Variants in NEO1 observed in about 807,000 individuals in gnomAD.
The protein encoded by NEO1 is neogenin.
In NEO1, 63 loss-of-function variants were observed where a neutral mutation model predicts 159.7. The ratio of observed to expected loss-of-function variants is 0.39; its 90% CI spans 0.32 to 0.49. NEO1 has a LOEUF of 0.49. Ranked by LOEUF, NEO1 falls within the 20% of genes least tolerant of loss-of-function variation. The probability of loss-of-function intolerance (pLI) is 0.85; values close to 1 mark genes in which losing one functional copy is unlikely to be tolerated. For synonymous variants in NEO1, 633 were observed against 662.0 expected, an observed-to-expected ratio of 0.96 and a Z score of 0.67; for missense variants, 1,615 against 1,831.0, an observed-to-expected ratio of 0.88 and a Z score of 2.15.
At position 73,304,539 on chromosome 15, in the gene NEO1, G is replaced by C. The variant is rs1409016287; in HGVS notation, c.*1843G>C. 2 of 152,158 alleles carry C rather than the reference G, an allele frequency of 1.3e-5. No individual in the cohort carries two copies. The highest frequency in any genetic ancestry group is 2.9e-5 in the Non-Finnish European group (2 of 68,048). The allele number at this position is 152,158 out of a possible 1,614,324, so 9.4% of individuals were successfully genotyped here. A position where few individuals can be genotyped will look rare whatever the true frequency, so the allele number is the denominator to read the frequency against. On this transcript the variant is annotated 3_prime_UTR_variant, in exon 29 of 29. Coordinates refer to ENST00000261908, the MANE Select transcript of NEO1 (RefSeq NM_002499.4). ...ATGAACTCTTTGTATTTATGATTTG[G>C]GGGGCAATGAAAGGTGCAATGCAGG... is the stretch of plus-strand genomic sequence containing the variant.
chr15:73,164,024 T>A lies in NEO1; in HGVS notation c.1016-12379T>A, dbSNP rs1483050348. ...GTATTTTGTTTCTTTTTCTTATTTT[T>A]TTTTTTTTTCTTATTTTTTTTGAGA... On this transcript the variant is annotated intron_variant, in intron 5 of 28. Transcript: ENST00000261908. Among the ~76,000 whole-genome samples, 36 of 151,380 alleles carry A rather than the reference T, an allele frequency of 2.4e-4. No individual in the cohort carries two copies. In the East Asian group the frequency reaches 4.9e-3, roughly 20 times the overall value.
At chr15:73,101,412 C>T (rs1256481600) in intron 1 of NEO1, among the ~76,000 whole-genome samples, 1 of 152,204 alleles carries the variant, frequency 6.6e-6, no homozygotes, top group Non-Finnish European at 1.5e-5. Flanking sequence ...CACGCGCACG[C>T]GTGCGCACAC....
At chr15:73,194,795 A>T (rs1315198666) in intron 7 of NEO1, among the ~76,000 whole-genome samples, 1 of 152,224 alleles carries the variant, frequency 6.6e-6, no homozygotes, top group Admixed American at 6.5e-5. Context: ...TTTATGATTT[A>T]TTGGATACTT....
chr15:73,214,490 G>T (rs972037879), intron 7 of NEO1, among the ~76,000 whole-genome samples: 10 of 152,104 alleles, frequency 6.6e-5, no homozygotes, highest in Admixed American at 5.2e-4. Context: ...TCCTACATGT[G>T]GCTAGCCAAT....
chr15:73,293,399 G>A lies in NEO1; in HGVS notation c.3752G>A (p.Ser1251Asn). 1.2e-6 allele frequency: 2 copies of A among 1,614,108 alleles called. No homozygotes were observed. The highest frequency in any genetic ancestry group is 1.6e-4 in the Middle Eastern group (1 of 6,062). The change falls in exon 26 of 29, where the codon AGT becomes AAT. Residue 1251 changes from serine (S) to asparagine (N), a missense_variant. Physicochemically the swap from Ser to Asn is conservative, Grantham distance 46 (BLOSUM62 1). Coordinates refer to ENST00000261908, the MANE Select transcript of NEO1 (RefSeq NM_002499.4). The part of the protein sequence containing the change: ...FDSQPPQPVI[S>N]AHPIHSLDNP... ...TTGTGTTCATTCACAGCTGTGATTAGTGCCCATCCCATCCATTCCCTCGAT... is the reference window on the plus strand; with the variant it reads ...TTGTGTTCATTCACAGCTGTGATTAATGCCCATCCCATCCATTCCCTCGAT...
intron 2 of NEO1, among the ~76,000 whole-genome samples, chr15:73,118,691 A>C (rs1459656545): frequency 6.6e-6 from 1 of 152,142 alleles, no homozygotes; most frequent in African/African-American, 2.4e-5. Flanking sequence ...AAGGTGATAC[A>C]TTCTGTGATG....
intron 25 of NEO1, 54 bp from the exon 26 acceptor site, chr15:73,293,336 G>T (rs1311530237): frequency 8.7e-6 from 14 of 1,602,106 alleles, no homozygotes; most frequent in East Asian, 2.2e-5. Flanking sequence ...ACTGTGATTT[G>T]TGTGTGTTTG....
intron 11 of NEO1, among the ~76,000 whole-genome samples, chr15:73,252,779 C>T (rs1261715476): frequency 6.6e-6 from 1 of 152,104 alleles, no homozygotes; most frequent in South Asian, 2.1e-4. Flanking sequence ...CACCTGAGGT[C>T]AGGAGTTCAA....
chr15:73,166,426 A>T (rs920639049), intron 5 of NEO1, among the ~76,000 whole-genome samples: 1 of 152,210 alleles, frequency 6.6e-6, no homozygotes, highest in Non-Finnish European at 1.5e-5. Flanking sequence ...TGCTGCAAAG[A>T]GAAATGGAGA....
chr15:73,071,086 T>C (rs1263315851), intron 1 of NEO1, among the ~76,000 whole-genome samples: 1 of 152,166 alleles, frequency 6.6e-6, no homozygotes, highest in Non-Finnish European at 1.5e-5. Flanking sequence ...TAGCTTGGAC[T>C]ACAGGTGGGT....
chr15:73,253,373 ATTTT>A (rs747030708), intron 11 of NEO1, 23 bp from the exon 12 acceptor site: 117 of 1,150,742 alleles, frequency 1.0e-4, no homozygotes, highest in South Asian at 2.9e-4. Flanking sequence ...TAAAAAAAAA[ATTTT>A]TTTTTTTTTT....
rs1185128312 is a variant in NEO1, at chr15:73,305,193, T to A, written c.*2497T>A. ...GTATTGGAAATCCAATACACTTTTT[T>A]AATCCAATCAAACTCTGGTCTGGTC... On this transcript the variant is annotated 3_prime_UTR_variant, in exon 29 of 29. Transcript: ENST00000261908. 1 of 152,166 alleles carries A rather than the reference T, an allele frequency of 6.6e-6. No homozygotes were observed. The highest frequency in any genetic ancestry group is 1.9e-4 in the East Asian group (1 of 5,196). The allele number at this position is 152,166 out of a possible 1,614,324, so 9.4% of individuals were successfully genotyped here.
rs750005826 is a variant in NEO1 at position 73,254,839 on chromosome 15, C to T, written c.2092+10C>T. The T allele has an allele frequency of 1.2e-4, 199 of 1,609,822 alleles. No homozygotes were observed. The highest frequency in any genetic ancestry group is 1.5e-4 in the African/African-American group (11 of 74,716). ...TCTCAGCTGATTGAAGGTAAGCTAC[C>T]GTGCACAAAGGCAAAAGGTACACTG... On this transcript the variant is annotated intron_variant, in intron 13 of 28. Coordinates refer to ENST00000261908, the MANE Select transcript of NEO1 (RefSeq NM_002499.4).
chr15:73,205,028 C>T (rs1208694410), intron 7 of NEO1, among the ~76,000 whole-genome samples: 1 of 152,144 alleles, frequency 6.6e-6, no homozygotes, highest in Non-Finnish European at 1.5e-5. Flanking sequence ...AGTATTACTC[C>T]TCAGAGGGAG....
At chr15:73,301,750 G>A (rs939762697) in intron 28 of NEO1, among the ~76,000 whole-genome samples, 2 of 151,432 alleles carry the variant, frequency 1.3e-5, no homozygotes, top group African/African-American at 2.4e-5. Context: ...TCACTACAAC[G>A]TCTGCGTCCT....
intron 1 of NEO1, among the ~76,000 whole-genome samples, chr15:73,111,122 T>C (rs892550356): frequency 2.0e-5 from 3 of 152,202 alleles, no homozygotes; most frequent in African/African-American, 7.2e-5. Flanking sequence ...TCAAACCCAC[T>C]ACTCTCCCCA....
chr15:73,230,669 C>T (rs1463100670), intron 7 of NEO1, among the ~76,000 whole-genome samples: 1 of 152,188 alleles, frequency 6.6e-6, no homozygotes. Flanking sequence ...TGACCCACTG[C>T]AGCCTCAACC....
At chr15:73,086,251 A>G (rs970244924) in intron 1 of NEO1, among the ~76,000 whole-genome samples, 1 of 152,158 alleles carries the variant, frequency 6.6e-6, no homozygotes. Flanking sequence ...GTGTGGGTCT[A>G]CTTCTGTGTT....
At chr15:73,147,338 C>T (rs1295768517) in intron 5 of NEO1, among the ~76,000 whole-genome samples, 1 of 152,136 alleles carries the variant, frequency 6.6e-6, no homozygotes, top group Non-Finnish European at 1.5e-5. Context: ...TCTGTTTCCT[C>T]CTTAGATTAT....
Sources: gnomAD v4.1 joint callset for allele counts (sites outside exome capture counted in the v4.1 genomes callset) on GRCh38, gnomAD v4.1.1 for gene constraint, MANE v1.5 for transcripts, NCBI Gene and HGNC (gene_info 2026-07-23, HGNC 2026-07-21) for gene names.